Variants in KCNQ5 observed in about 807,000 individuals in gnomAD.
The protein encoded by KCNQ5 is potassium voltage-gated channel subfamily Q member 5, also known as potassium voltage-gated channel subfamily KQT member 5.
A neutral mutation model predicts 98.2 loss-of-function variants in KCNQ5; 30 were observed. The ratio of observed to expected loss-of-function variants is 0.31; its 90% CI spans 0.23 to 0.41. KCNQ5 has a LOEUF of 0.41. KCNQ5 is among the 10% of genes least tolerant of loss of function. KCNQ5 has a pLI of 1.00. For missense variants in KCNQ5, 835 were observed against 1,182.5 expected, an observed-to-expected ratio of 0.71 and a Z score of 4.31; for synonymous variants, 458 against 449.4, an observed-to-expected ratio of 1.02 and a Z score of -0.24.
intron 1 of KCNQ5, among the ~76,000 whole-genome samples, chr6:72,687,322 A>G (rs192674284): frequency 6.6e-6 from 1 of 152,330 alleles, no homozygotes; most frequent in African/African-American, 2.4e-5. Flanking sequence ...TACCTTCCCC[A>G]GAAAAGCTGT....
chr6:73,112,372 G>A (rs1775279026), intron 7 of KCNQ5, among the ~76,000 whole-genome samples: 1 of 150,578 alleles, frequency 6.6e-6, no homozygotes, highest in African/African-American at 2.4e-5. Flanking sequence ...TTGAGACAGA[G>A]TCCCGCTTTG....
At chr6:73,052,897 A>G (rs1772308244) in intron 3 of KCNQ5, among the ~76,000 whole-genome samples, 1 of 152,220 alleles carries the variant, frequency 6.6e-6, no homozygotes, top group African/African-American at 2.4e-5. Context: ...ACACATATCA[A>G]TATTAACCTT....
intron 1 of KCNQ5, among the ~76,000 whole-genome samples, chr6:72,766,310 A>T (rs1033252774): frequency 1.6e-4 from 24 of 152,144 alleles, no homozygotes; most frequent in African/African-American, 5.1e-4. Flanking sequence ...GCCAGCTAAA[A>T]GCTAAATCAT....
intron 1 of KCNQ5, among the ~76,000 whole-genome samples, chr6:72,849,756 A>G (rs928615893): frequency 1.3e-5 from 2 of 152,200 alleles, no homozygotes; most frequent in East Asian, 3.9e-4. Context: ...TTCATCAACA[A>G]TGAAAGAGTC....
intron 1 of KCNQ5, among the ~76,000 whole-genome samples, chr6:72,916,351 C>T (rs9446789): frequency 0.28 from 42,070 of 152,050 alleles, 6,113 homozygotes; most frequent in East Asian, 0.48. Flanking sequence ...TAAATATTTA[C>T]GATTTAGTTG....
chr6:73,194,583 C>G lies in KCNQ5; in HGVS notation c.1968C>G (p.Asp656Glu). ...CTTTTGAATGTGAACAGACATCTGA[C>G]TATCAAAGCCCTGTGGATAGCAAAG... ...IPPFECEQTS[D>E]YQSPVDSKDL... is the part of the protein sequence containing the mutation. Residue 656 changes from aspartate to glutamate, a missense_variant, in exon 14 of 14, where the codon GAC (aspartate) becomes GAG (glutamate). By Grantham distance (45) the Asp-to-Glu change is conservative. Transcript: ENST00000370398. The G allele has an allele frequency of 6.2e-7, 1 of 1,614,244 alleles. No homozygotes were observed. The highest frequency in any genetic ancestry group is 1.1e-5 in the South Asian group (1 of 91,086).
chr6:72,944,362 T>C (rs1766442898), intron 1 of KCNQ5, among the ~76,000 whole-genome samples: 1 of 152,170 alleles, frequency 6.6e-6, no homozygotes, highest in African/African-American at 2.4e-5. Flanking sequence ...CACCAGAGTG[T>C]CAAACAAATC....
At chr6:72,809,546 C>T (rs1034179572) in intron 1 of KCNQ5, among the ~76,000 whole-genome samples, 14 of 149,146 alleles carry the variant, frequency 9.4e-5, no homozygotes, top group African/African-American at 3.3e-4. Context: ...AGTGAGACTC[C>T]GTCTCAAAAA....
At chr6:72,981,815 T>A (rs1462030360) in intron 1 of KCNQ5, among the ~76,000 whole-genome samples, 1 of 152,272 alleles carries the variant, frequency 6.6e-6, no homozygotes, top group Non-Finnish European at 1.5e-5. Flanking sequence ...AATTTCCCTC[T>A]ACACACTGCT....
At chr6:72,780,012 T>C (rs1018216719) in intron 1 of KCNQ5, among the ~76,000 whole-genome samples, 1 of 152,068 alleles carries the variant, frequency 6.6e-6, no homozygotes, top group Non-Finnish European at 1.5e-5. Context: ...GAGTGGGAGA[T>C]TCTTAATTGG....
intron 1 of KCNQ5, among the ~76,000 whole-genome samples, chr6:72,786,867 G>A (rs1038540830): frequency 1.3e-4 from 20 of 151,886 alleles, no homozygotes; most frequent in East Asian, 1.2e-3. Flanking sequence ...TTAGCCGGGC[G>A]TGGTGGCGGG....
At chr6:72,938,564 T>C (rs1444468984) in intron 1 of KCNQ5, among the ~76,000 whole-genome samples, 1 of 143,140 alleles carries the variant, frequency 7.0e-6, no homozygotes, top group Non-Finnish European at 1.5e-5. Context: ...ATTTTTTTTT[T>C]AGTAGAGATG....
At chr6:72,810,775 A>C (rs1775202953) in intron 1 of KCNQ5, among the ~76,000 whole-genome samples, 1 of 151,182 alleles carries the variant, frequency 6.6e-6, no homozygotes, top group Non-Finnish European at 1.5e-5. Context: ...GTTAAAGTTG[A>C]AGTCAGAAAA....
intron 7 of KCNQ5, among the ~76,000 whole-genome samples, chr6:73,113,704 C>A (rs1404472596): frequency 6.6e-6 from 1 of 152,180 alleles, no homozygotes; most frequent in East Asian, 1.9e-4. Flanking sequence ...ATTTCTACAG[C>A]AAATCATTGG....
intron 1 of KCNQ5, among the ~76,000 whole-genome samples, chr6:72,664,759 G>A (rs145069960): frequency 1.3e-4 from 20 of 152,288 alleles, no homozygotes; most frequent in African/African-American, 4.6e-4. Context: ...GACAGTTTGA[G>A]AAAGTAATAT....
chr6:72,921,235 A>G (rs1239802771), intron 1 of KCNQ5, among the ~76,000 whole-genome samples: 1 of 152,230 alleles, frequency 6.6e-6, no homozygotes, highest in Non-Finnish European at 1.5e-5. Flanking sequence ...GTAAGATTCA[A>G]TTAGAAATAA....
chr6:72,995,627 G>C (rs1048271876), intron 1 of KCNQ5, among the ~76,000 whole-genome samples: 1 of 152,126 alleles, frequency 6.6e-6, no homozygotes, highest in Non-Finnish European at 1.5e-5. Flanking sequence ...CCTGATAGGG[G>C]TGCTCCAAAG....
chr6:72,994,612 C>A (rs1423236779), intron 1 of KCNQ5, among the ~76,000 whole-genome samples: 3 of 150,974 alleles, frequency 2.0e-5, no homozygotes, highest in African/African-American at 7.3e-5. Flanking sequence ...GCAGAAATCA[C>A]CCGTCTTCTG....
intron 1 of KCNQ5, among the ~76,000 whole-genome samples, chr6:72,625,663 CTT>C (rs2098917711): frequency 6.6e-6 from 1 of 152,152 alleles, no homozygotes. Context: ...CTTTGCCTGA[CTT>C]AATGCTATGG....
Sources: allele counts gnomAD v4.1 joint callset (sites outside exome capture counted in the v4.1 genomes callset), GRCh38; gene constraint gnomAD v4.1.1; transcripts MANE v1.5; gene names NCBI Gene and HGNC (gene_info 2026-07-23, HGNC 2026-07-21).